FRMD5: variants seen among roughly 807,000 people sequenced by gnomAD.
FRMD5 encodes the protein FERM domain-containing protein 5.
Under a neutral mutation model 69.0 loss-of-function variants are expected in FRMD5, and 20 were observed. The ratio of observed to expected loss-of-function variants is 0.29; its 90% CI spans 0.20 to 0.42. FRMD5 has a LOEUF of 0.42. Ranked by LOEUF, FRMD5 falls within the 10% of genes least tolerant of loss-of-function variation. The pLI, the probability that FRMD5 is intolerant of heterozygous loss-of-function variation, is 1.00. For missense variants in FRMD5, 595 were observed against 708.6 expected (o/e 0.84, Z 1.82); for synonymous variants, 271 against 260.1 (o/e 1.04, Z -0.40).
At chr15:44,197,664 G>A (rs997858870), upstream of FRMD5, among the ~76,000 whole-genome samples, 1 of 126,960 alleles carries the variant, frequency 7.9e-6, no homozygotes, top group Non-Finnish European at 1.6e-5. Context: ...CTGGGAGACA[G>A]CGAGACTCCA....
intron 1 of FRMD5, among the ~76,000 whole-genome samples, chr15:43,984,683 T>G (rs1889298705): frequency 6.6e-6 from 1 of 152,134 alleles, no homozygotes; most frequent in African/African-American, 2.4e-5. Context: ...GGAAATTAGG[T>G]TGAAAGACTG....
At chr15:43,900,710 C>T (rs2089025405) in intron 7 of FRMD5, among the ~76,000 whole-genome samples, 1 of 151,840 alleles carries the variant, frequency 6.6e-6, no homozygotes, top group South Asian at 2.1e-4. Context: ...CTCCACTTCC[C>T]GAGTTCATGC....
At chr15:44,129,028 C>T (rs888407968) in intron 1 of FRMD5, among the ~76,000 whole-genome samples, 2 of 152,198 alleles carry the variant, frequency 1.3e-5, no homozygotes, top group Admixed American at 6.5e-5. Context: ...GGGCATAAAA[C>T]ATTTCCACAT....
intron 1 of FRMD5, among the ~76,000 whole-genome samples, chr15:44,162,252 C>T (rs2077628091): frequency 1.5e-5 from 2 of 133,564 alleles, no homozygotes; most frequent in Admixed American, 8.9e-5. Context: ...GTGTGAGCCA[C>T]CGTGCCAGGC....
intron 1 of FRMD5, among the ~76,000 whole-genome samples, chr15:43,963,149 C>T (rs1296649758): frequency 1.3e-5 from 2 of 152,180 alleles, no homozygotes; most frequent in South Asian, 4.1e-4. Context: ...AGTTTTGCAA[C>T]CTACTCATCT....
chr15:44,012,650 A>G (rs1890769258), intron 1 of FRMD5, among the ~76,000 whole-genome samples: 1 of 152,102 alleles, frequency 6.6e-6, no homozygotes, highest in African/African-American at 2.4e-5. Context: ...AATGTTATGC[A>G]CCAATCTCAA....
intron 13 of FRMD5, chr15:43,875,861 T>C: frequency 3.3e-6 from 2 of 598,874 alleles, no homozygotes; most frequent in Non-Finnish European, 6.4e-6. Context: ...ATTTTCTTCC[T>C]TCAACCATAA....
intron 1 of FRMD5, among the ~76,000 whole-genome samples, chr15:44,142,666 G>A (rs1042545314): frequency 4.6e-5 from 7 of 152,184 alleles, no homozygotes; most frequent in Non-Finnish European, 8.8e-5. Context: ...CCCCTGGGGT[G>A]GAGAGGAATA....
In FRMD5 at chr15:44,155,984, GA is replaced by G. The variant is rs2077522073; in HGVS notation, c.102+38968del. Reference sequence around the variant, plus strand: ...CAAGAAGTTCTCCAGAGGAAAGCAGGAAAAAAAGAGCTGATAGTCATGAAAA... The same window carrying G: ...CAAGAAGTTCTCCAGAGGAAAGCAGGAAAAAAGAGCTGATAGTCATGAAAA... On this transcript the variant is annotated intron_variant, in intron 1 of 13. Transcript: ENST00000417257. 2.0e-5 allele frequency among the ~76,000 whole-genome samples: 3 copies of G among 151,770 alleles called. No individual in the cohort carries two copies. In the South Asian group the frequency reaches 6.2e-4, roughly 32 times the overall value.
At chr15:43,982,861 C>G (rs562917430) in intron 1 of FRMD5, among the ~76,000 whole-genome samples, 23 of 152,092 alleles carry the variant, frequency 1.5e-4, no homozygotes, top group Non-Finnish European at 2.9e-4. Context: ...TTTATTGATG[C>G]TAATGTGAAC....
At chr15:43,908,942 C>A (rs1308135115) in intron 5 of FRMD5, among the ~76,000 whole-genome samples, 1 of 152,156 alleles carries the variant, frequency 6.6e-6, no homozygotes, top group Non-Finnish European at 1.5e-5. Context: ...AAAATCAAGT[C>A]TGATTACACT....
chr15:44,026,374 C>T (rs777875314), intron 1 of FRMD5, among the ~76,000 whole-genome samples: 17 of 152,142 alleles, frequency 1.1e-4, no homozygotes, highest in African/African-American at 9.7e-5. Flanking sequence ...ACCTATTCTA[C>T]GATTTAAAAT....
chr15:43,907,853 G>A (rs1223399078), intron 5 of FRMD5, among the ~76,000 whole-genome samples: 1 of 152,024 alleles, frequency 6.6e-6, no homozygotes, highest in East Asian at 1.9e-4. Context: ...TGTTGCCCAG[G>A]CTGGTCTCGA....
chr15:43,926,328 C>T (rs1008352519), intron 1 of FRMD5, among the ~76,000 whole-genome samples: 4 of 152,094 alleles, frequency 2.6e-5, no homozygotes, highest in African/African-American at 9.7e-5. Context: ...TCATCTCTGG[C>T]GGGTCTATGT....
chr15:43,976,447 A>G (rs530044150), intron 1 of FRMD5, among the ~76,000 whole-genome samples: 1 of 152,354 alleles, frequency 6.6e-6, no homozygotes, highest in Non-Finnish European at 1.5e-5. Context: ...TAAAAAAACA[A>G]GCAACGCAAT....
intron 4 of FRMD5, among the ~76,000 whole-genome samples, chr15:43,912,587 C>T (rs1224754552): frequency 6.6e-6 from 1 of 151,970 alleles, no homozygotes; most frequent in Non-Finnish European, 1.5e-5. Context: ...AGGGACTGTA[C>T]ATATTGGACT....
chr15:43,891,295 G>A (rs1029058944), intron 8 of FRMD5, among the ~76,000 whole-genome samples: 3 of 152,216 alleles, frequency 2.0e-5, no homozygotes, highest in African/African-American at 7.2e-5. Context: ...GAGAGGGGCA[G>A]GAGAGGAAGC....
chr15:43,979,447 A>C (rs944023500), intron 1 of FRMD5, among the ~76,000 whole-genome samples: 3 of 152,202 alleles, frequency 2.0e-5, no homozygotes, highest in African/African-American at 7.2e-5. Context: ...ATGCAAGGAA[A>C]GGCCACTAGA....
intron 1 of FRMD5, chr15:43,988,912 A>G: frequency 2.0e-6 from 1 of 512,794 alleles, no homozygotes; most frequent in South Asian, 1.7e-5. Flanking sequence ...AACTGCTGTC[A>G]CCTTCACCAT....
Sources: gnomAD v4.1 joint callset for allele counts (sites outside exome capture counted in the v4.1 genomes callset) on GRCh38, gnomAD v4.1.1 for gene constraint, MANE v1.5 for transcripts, NCBI Gene and HGNC (gene_info 2026-07-23, HGNC 2026-07-21) for gene names.